Variants in ACVR1 observed in about 807,000 individuals in gnomAD.
ACVR1 encodes activin receptor type-1.
A neutral mutation model predicts 57.1 loss-of-function variants in ACVR1; 38 were observed. The observed-to-expected ratio is 0.67, with a 90% confidence interval of 0.51 to 0.87. The LOEUF (loss-of-function observed/expected upper bound fraction) is 0.87. ACVR1 is among the 40% of genes least tolerant of loss of function. ACVR1 has a pLI of 0.00. For missense variants in ACVR1, 463 were observed against 638.2 expected (o/e 0.73, Z 2.96); for synonymous variants, 212 against 228.1 (o/e 0.93, Z 0.63).
At chr2:157,799,060 C>T (rs1687226794) in intron 3 of ACVR1, among the ~76,000 whole-genome samples, 1 of 151,786 alleles carries the variant, frequency 6.6e-6, no homozygotes. Flanking sequence ...CCATGCCTGG[C>T]TAATTTTTGC....
chr2:157,815,362 A>G (rs1188820190), intron 2 of ACVR1, among the ~76,000 whole-genome samples: 2 of 151,938 alleles, frequency 1.3e-5, no homozygotes, highest in Non-Finnish European at 2.9e-5. Context: ...TTCACTCTAC[A>G]CTCTTTTGTG....
At chr2:157,758,308 CATAG>C (rs1320213512) in intron 9 of ACVR1, among the ~76,000 whole-genome samples, 1 of 151,984 alleles carries the variant, frequency 6.6e-6, no homozygotes, top group Non-Finnish European at 1.5e-5. Flanking sequence ...AACCAAAATA[CATAG>C]ATACTCAATA....
At chr2:157,777,918 C>T (rs1686352469) in intron 5 of ACVR1, among the ~76,000 whole-genome samples, 1 of 152,136 alleles carries the variant, frequency 6.6e-6, no homozygotes, top group Admixed American at 6.6e-5. Context: ...AAATAAATCC[C>T]ATCCCTTATT....
chr2:157,863,019 T>C (rs1689774809), intron 1 of ACVR1, among the ~76,000 whole-genome samples: 1 of 108,062 alleles, frequency 9.3e-6, no homozygotes, highest in African/African-American at 3.6e-5. Context: ...TACTTTTTTT[T>C]TTTTTTTTTT....
At chr2:157,864,047 A>T (rs1368636783) in intron 1 of ACVR1, among the ~76,000 whole-genome samples, 2 of 151,296 alleles carry the variant, frequency 1.3e-5, no homozygotes, top group Non-Finnish European at 2.9e-5. Flanking sequence ...TTTTAAATAG[A>T]GACGGGGTTT....
chr2:157,777,041 C>A (rs991187983), intron 5 of ACVR1, among the ~76,000 whole-genome samples: 3 of 152,204 alleles, frequency 2.0e-5, no homozygotes, highest in Non-Finnish European at 2.9e-5. Flanking sequence ...AGGCATCAGA[C>A]TCAGCATAAT....
chr2:157,870,410 C>A (rs1205465948), intron 1 of ACVR1, among the ~76,000 whole-genome samples: 1 of 152,200 alleles, frequency 6.6e-6, no homozygotes, highest in East Asian at 1.9e-4. Flanking sequence ...ACACACCCAT[C>A]AAGTATTCAA....
intron 9 of ACVR1, among the ~76,000 whole-genome samples, chr2:157,759,041 G>A (rs188563297): frequency 6.6e-6 from 1 of 152,070 alleles, no homozygotes; most frequent in Admixed American, 6.5e-5. Flanking sequence ...CATCAGAAAA[G>A]CTGAAAGATT....
intron 1 of ACVR1, among the ~76,000 whole-genome samples, chr2:157,853,324 C>T (rs1298228182): frequency 6.6e-6 from 1 of 152,146 alleles, no homozygotes; most frequent in Non-Finnish European, 1.5e-5. Context: ...CTCTTCCTGG[C>T]TAACAGGGGC....
chr2:157,854,493 C>T (rs1470413981), intron 1 of ACVR1, among the ~76,000 whole-genome samples: 4 of 151,980 alleles, frequency 2.6e-5, no homozygotes, highest in East Asian at 1.9e-4. Flanking sequence ...GAGGCCGAGG[C>T]GGGAGGATCA....
chr2:157,808,891 A>C (rs1424109931), intron 2 of ACVR1, among the ~76,000 whole-genome samples: 1 of 151,784 alleles, frequency 6.6e-6, no homozygotes, highest in Non-Finnish European at 1.5e-5. Context: ...AAAAAAAAAA[A>C]AAAAACAGAA....
At chr2:157,739,025 C>A (rs1035466228) in intron 9 of ACVR1, among the ~76,000 whole-genome samples, 3 of 152,108 alleles carry the variant, frequency 2.0e-5, no homozygotes, top group African/African-American at 7.2e-5. Flanking sequence ...AGTAATAAAC[C>A]AAGACCATCA....
chr2:157,852,298 G>A lies in ACVR1; in HGVS notation c.-183+23498C>T, dbSNP rs188219580. On this transcript the variant is annotated intron_variant, in intron 1 of 10. Transcript: ENST00000434821. ...GGATCGCTTGAGCTCAGAAATTCCAGACCAGCCTGGGCAACATGGCAAAAC... is the reference window on the plus strand; with the variant it reads ...GGATCGCTTGAGCTCAGAAATTCCAAACCAGCCTGGGCAACATGGCAAAAC... 5.2e-3 allele frequency among the ~76,000 whole-genome samples: 788 copies of A among 151,982 alleles called. 9 individuals carry two copies. The highest frequency in any genetic ancestry group is 0.018 in the African/African-American group (746 of 41,440).
chr2:157,770,329 C>G, intron 7 of ACVR1, 39 bp downstream of exon 7: 2 of 1,607,276 alleles, frequency 1.2e-6, no homozygotes, highest in African/African-American at 2.7e-5. Flanking sequence ...ATTGTTTCTC[C>G]CTAGATACAA....
intron 2 of ACVR1, among the ~76,000 whole-genome samples, chr2:157,805,959 G>C (rs1376369772): frequency 1.3e-5 from 2 of 151,604 alleles, no homozygotes; most frequent in African/African-American, 2.4e-5. Flanking sequence ...AAGTAGTGGG[G>C]ACTACAGGCA....
intron 1 of ACVR1, among the ~76,000 whole-genome samples, chr2:157,859,718 C>G (rs1175162519): frequency 6.6e-6 from 1 of 152,170 alleles, no homozygotes; most frequent in Non-Finnish European, 1.5e-5. Flanking sequence ...TCCTTTCCAG[C>G]CACACCACTC....
intron 1 of ACVR1, among the ~76,000 whole-genome samples, chr2:157,818,874 C>T (rs1432011539): frequency 6.6e-6 from 1 of 151,534 alleles, no homozygotes; most frequent in Non-Finnish European, 1.5e-5. Flanking sequence ...GTCAGGAGAT[C>T]GAGACCATCC....
intron 2 of ACVR1, among the ~76,000 whole-genome samples, chr2:157,807,338 G>T (rs1279896385): frequency 6.6e-6 from 1 of 152,164 alleles, no homozygotes; most frequent in East Asian, 1.9e-4. Flanking sequence ...TTGATCACTT[G>T]CTGCGTGCCT....
intron 1 of ACVR1, among the ~76,000 whole-genome samples, chr2:157,842,736 C>T (rs991869371): frequency 9.2e-5 from 14 of 152,198 alleles, no homozygotes; most frequent in Admixed American, 2.6e-4. Context: ...TATGTTCCTG[C>T]TTCCCCCACC....
Sources: allele counts gnomAD v4.1 joint callset (sites outside exome capture counted in the v4.1 genomes callset), GRCh38; gene constraint gnomAD v4.1.1; transcripts MANE v1.5; gene names NCBI Gene and HGNC (gene_info 2026-07-23, HGNC 2026-07-21).